The following ANXA8 variants were observed in gnomAD, a reference collection of about 807,000 sequenced individuals.
The protein encoded by ANXA8 is annexin A8.
ANXA8 carries 9 observed loss-of-function variants against 26.8 expected under a neutral mutation model. The observed-to-expected ratio is 0.34, with a 90% CI of 0.20 to 0.59. The LOEUF (loss-of-function observed/expected upper bound fraction) is 0.59. Ranked by LOEUF, ANXA8 falls within the 20% of genes least tolerant of loss-of-function variation. The pLI, the probability that ANXA8 is intolerant of heterozygous loss-of-function variation, is 0.84. For missense variants in ANXA8, 83 were observed against 238.5 expected (o/e 0.35, Z 4.29); for synonymous variants, 39 against 94.8 (o/e 0.41, Z 3.42).
At chr10:47,631,334 GGTAA>G in the ANXA8 span, among the ~76,000 whole-genome samples, 4 of 151,880 alleles carry the variant, frequency 2.6e-5, no homozygotes, top group African/African-American at 9.7e-5. Flanking sequence ...TAGTATATCT[GGTAA>G]GTAAGAGTCT....
chr10:47,757,540 G>A, the ANXA8 span, among the ~76,000 whole-genome samples: 1 of 75,396 alleles, frequency 1.3e-5, no homozygotes, highest in African/African-American at 3.7e-5. Flanking sequence ...CACAGCTAAG[G>A]AGTCACACCC....
the ANXA8 span, among the ~76,000 whole-genome samples, chr10:47,881,825 T>TTGTGTG: frequency 7.4e-6 from 1 of 135,520 alleles, no homozygotes; most frequent in African/African-American, 2.8e-5. Context: ...ATGTGCATGT[T>TTGTGTG]TGTGTGTGTG....
chr10:47,687,242 A>G, the ANXA8 span, among the ~76,000 whole-genome samples: 449 of 141,922 alleles, frequency 3.2e-3, no homozygotes, highest in East Asian at 0.013. Context: ...TGATTTGCAT[A>G]TATCTAAGTA....
the ANXA8 span, chr10:47,590,169 C>A: frequency 4.1e-5 from 6 of 146,668 alleles, 1 homozygote; most frequent in African/African-American, 1.1e-4. Flanking sequence ...TGAGCACCTG[C>A]AGGATACACC....
At chr10:47,658,847 A>ATTAT in the ANXA8 span, among the ~76,000 whole-genome samples, 11,984 of 132,904 alleles carry the variant, frequency 0.09, 264 homozygotes, top group Non-Finnish European at 0.11. Flanking sequence ...TTATTTATTT[A>ATTAT]TTATTTATTT....
chr10:47,718,143 G>A, the ANXA8 span, among the ~76,000 whole-genome samples: 1 of 152,266 alleles, frequency 6.6e-6, no homozygotes. Context: ...TCTACCCTCT[G>A]AATCTAAAAT....
At chr10:47,769,255 G>A in the ANXA8 span, among the ~76,000 whole-genome samples, 1 of 150,020 alleles carries the variant, frequency 6.7e-6, no homozygotes, top group Non-Finnish European at 1.5e-5. Flanking sequence ...ATCTGGAGAG[G>A]TAAGGCATCT....
At chr10:47,488,408 A>AG (rs1327364117), upstream of ANXA8, among the ~76,000 whole-genome samples, 99 of 138,908 alleles carry the variant, frequency 7.1e-4, 1 homozygote, top group African/African-American at 2.7e-3. Context: ...ATGGGGTTTT[A>AG]CCATATTGGT....
At chr10:47,960,380 C>T in the ANXA8 span, among the ~76,000 whole-genome samples, 3 of 144,110 alleles carry the variant, frequency 2.1e-5, no homozygotes, top group Non-Finnish European at 3.0e-5. Context: ...TCTGGCAGAA[C>T]ACTGATGGCC....
the ANXA8 span, among the ~76,000 whole-genome samples, chr10:47,523,959 T>C: frequency 1.4e-5 from 2 of 146,182 alleles, no homozygotes; most frequent in Admixed American, 1.3e-4. Context: ...CACAATGCCC[T>C]CCCCGACACC....
the ANXA8 span, among the ~76,000 whole-genome samples, chr10:47,653,265 C>T: frequency 0.033 from 4,591 of 139,958 alleles, 317 homozygotes; most frequent in African/African-American, 0.14. Context: ...TGAGCCGAGA[C>T]TGCGCCACTG....
chr10:47,657,281 C>A, the ANXA8 span, among the ~76,000 whole-genome samples: 1 of 151,710 alleles, frequency 6.6e-6, no homozygotes, highest in Non-Finnish European at 1.5e-5. Context: ...CCAGGCCAGT[C>A]TCAAACTCCT....
the ANXA8 span, among the ~76,000 whole-genome samples, chr10:47,686,225 CTT>C: frequency 5.2e-3 from 634 of 122,856 alleles, 1 homozygote; most frequent in African/African-American, 0.016. Context: ...GCTCCTATCA[CTT>C]TTTTTTTTTT....
chr10:47,567,065 G>T, the ANXA8 span, among the ~76,000 whole-genome samples: 1 of 142,606 alleles, frequency 7.0e-6, no homozygotes, highest in Admixed American at 6.9e-5. Flanking sequence ...TGGAAACCAG[G>T]TGTGCACCTG....
chr10:47,981,083 A>T, the ANXA8 span, among the ~76,000 whole-genome samples: 1 of 151,710 alleles, frequency 6.6e-6, no homozygotes, highest in East Asian at 1.9e-4. Context: ...ACCCAGAAAC[A>T]TATAAAAATG....
chr10:47,588,137 C>T, the ANXA8 span, among the ~76,000 whole-genome samples: 1 of 144,240 alleles, frequency 6.9e-6, no homozygotes, highest in African/African-American at 2.9e-5. Context: ...CACCTGAAGT[C>T]TCTTTATTAA....
the ANXA8 span, among the ~76,000 whole-genome samples, chr10:47,595,627 A>G: frequency 2.0e-5 from 3 of 149,442 alleles, 1 homozygote; most frequent in African/African-American, 7.7e-5. Context: ...TATCAGAGAA[A>G]ACAGATCTTC....
At chr10:47,535,296 T>G in the ANXA8 span, among the ~76,000 whole-genome samples, 1 of 131,060 alleles carries the variant, frequency 7.6e-6, no homozygotes, top group Non-Finnish European at 1.5e-5. Context: ...TTAACATCAG[T>G]CAACACTCCT....
the ANXA8 span, chr10:47,762,774 G>C: frequency 8.3e-7 from 1 of 1,207,482 alleles, no homozygotes; most frequent in Non-Finnish European, 1.0e-6. Flanking sequence ...GCCCAGCTGC[G>C]GCGCGGGGAG....
Sources: allele counts gnomAD v4.1 joint callset (sites outside exome capture counted in the v4.1 genomes callset), GRCh38; gene constraint gnomAD v4.1.1; transcripts MANE v1.5; gene names NCBI Gene and HGNC (gene_info 2026-07-23, HGNC 2026-07-21).